Variants in AFAP1 observed in about 807,000 individuals in gnomAD.
AFAP1 encodes actin filament associated protein 1.
A neutral mutation model predicts 93.9 loss-of-function variants in AFAP1; 75 were observed. The observed-to-expected ratio is 0.80, with a 90% CI of 0.66 to 0.97. The LOEUF (loss-of-function observed/expected upper bound fraction) is 0.97. Ranked by LOEUF, AFAP1 falls within the 50% of genes least tolerant of loss-of-function variation. The probability of loss-of-function intolerance (pLI) is 0.00; values close to 1 mark genes in which losing one functional copy is unlikely to be tolerated. For missense variants in AFAP1, 1,201 were observed against 1,050.8 expected, an observed-to-expected ratio of 1.14 and a Z score of -1.98; for synonymous variants, 517 against 430.7, an observed-to-expected ratio of 1.20 and a Z score of -2.48.
intron 1 of AFAP1, among the ~76,000 whole-genome samples, chr4:7,894,983 G>A (rs928282545): frequency 6.6e-6 from 1 of 152,246 alleles, no homozygotes; most frequent in African/African-American, 2.4e-5. Context: ...TACAGACGGA[G>A]GGGCAGGTGG....
chr4:7,788,115 C>T (rs543207743), intron 11 of AFAP1, among the ~76,000 whole-genome samples: 1 of 152,352 alleles, frequency 6.6e-6, no homozygotes, highest in African/African-American at 2.4e-5. Flanking sequence ...GGGGTCCTCA[C>T]GCAGGGGCAG....
At chr4:7,928,139 A>G (rs1720871431) in intron 1 of AFAP1, among the ~76,000 whole-genome samples, 1 of 152,166 alleles carries the variant, frequency 6.6e-6, no homozygotes, top group Non-Finnish European at 1.5e-5. Context: ...ATAGCAATGC[A>G]TTCTTCAACC....
intron 3 of AFAP1, chr4:7,862,284 G>C (rs139929986): frequency 6.6e-6 from 1 of 152,142 alleles, no homozygotes; most frequent in African/African-American, 2.4e-5. Flanking sequence ...AGTGAGCTGT[G>C]ATCATGCCAC....
intron 1 of AFAP1, among the ~76,000 whole-genome samples, chr4:7,928,236 G>A (rs1720876673): frequency 6.6e-6 from 1 of 152,120 alleles, no homozygotes; most frequent in African/African-American, 2.4e-5. Flanking sequence ...AATGAGGCCT[G>A]GGAGAAAGCA....
At chr4:7,822,586 CTTTTTTTTT>C (rs5855982) in intron 6 of AFAP1, among the ~76,000 whole-genome samples, 1 of 132,572 alleles carries the variant, frequency 7.5e-6, no homozygotes, top group African/African-American at 2.9e-5. Flanking sequence ...TTTCTTTTTT[CTTTTTTTTT>C]TTTTTTTGAG....
chr4:7,934,357 C>A (rs1721262589), intron 1 of AFAP1, among the ~76,000 whole-genome samples: 1 of 152,344 alleles, frequency 6.6e-6, no homozygotes, highest in East Asian at 1.9e-4. Context: ...GGACCACGAA[C>A]TCCAGCTCTC....
At chr4:7,796,390 G>T (rs908325403) in intron 10 of AFAP1, among the ~76,000 whole-genome samples, 1 of 152,184 alleles carries the variant, frequency 6.6e-6, no homozygotes, top group Non-Finnish European at 1.5e-5. Flanking sequence ...GCCTCCTGCT[G>T]ACCAAATCTG....
intron 1 of AFAP1, among the ~76,000 whole-genome samples, chr4:7,926,528 A>T (rs114150389): frequency 6.6e-6 from 1 of 152,066 alleles, no homozygotes; most frequent in Non-Finnish European, 1.5e-5. Context: ...CCAGGGTAGA[A>T]AGTTCCCCAC....
chr4:7,803,642 C>T (rs993335240), intron 9 of AFAP1, among the ~76,000 whole-genome samples: 3 of 152,074 alleles, frequency 2.0e-5, no homozygotes, highest in African/African-American at 7.2e-5. Flanking sequence ...TCCCCAGCCA[C>T]AGGAGACCTG....
chr4:7,905,991 C>G (rs1719379585), intron 1 of AFAP1, among the ~76,000 whole-genome samples: 1 of 152,176 alleles, frequency 6.6e-6, no homozygotes, highest in Non-Finnish European at 1.5e-5. Context: ...GCCTGGGGGC[C>G]TGCTGAAATG....
intron 8 of AFAP1, among the ~76,000 whole-genome samples, chr4:7,812,424 T>G (rs1199075021): frequency 6.6e-6 from 1 of 152,066 alleles, no homozygotes; most frequent in African/African-American, 2.4e-5. Context: ...TGGAATTCCT[T>G]GAATACTCCC....
In AFAP1 at chr4:7,774,845, C is replaced by T. The variant is rs778753805; in HGVS notation, c.1956G>A (p.Gln652=). The T allele has an allele frequency of 1.9e-6, 3 of 1,614,220 alleles. No homozygotes were observed. Among genetic ancestry groups the T allele is most frequent in the Middle Eastern group, 1.6e-4 (1 of 6,062 alleles). The change falls in exon 15 of 18, where the codon CAG becomes CAA. Residue 652 remains glutamine (Q), a synonymous_variant. Coordinates refer to ENST00000420658, the MANE Select transcript of AFAP1 (RefSeq NM_001134647.2). ...NRVEADAKRL[Q]TKEEELLKRK... is the part of the protein sequence containing the mutation. ...TCTTCAGCAGCTCCTCCTCTTTGGT[C>T]TGTAGCCGCTTGGCATCTGCTTCTA...
chr4:7,886,967 C>A (rs544892046), intron 1 of AFAP1, among the ~76,000 whole-genome samples: 2 of 152,296 alleles, frequency 1.3e-5, no homozygotes, highest in African/African-American at 4.8e-5. Flanking sequence ...TGAGATGTTA[C>A]CCCTGACATC....
intron 3 of AFAP1, among the ~76,000 whole-genome samples, chr4:7,865,581 G>C (rs1226464220): frequency 6.6e-6 from 1 of 152,196 alleles, no homozygotes; most frequent in Non-Finnish European, 1.5e-5. Context: ...GAAAGCAAGA[G>C]ACAAGGAGAG....
chr4:7,818,034 T>C (rs1362069880), intron 7 of AFAP1, among the ~76,000 whole-genome samples: 2 of 152,158 alleles, frequency 1.3e-5, no homozygotes, highest in African/African-American at 4.8e-5. Context: ...ACTGTGATGT[T>C]TAATTTCACG....
At chr4:7,847,732 G>A (rs1048871584) in intron 4 of AFAP1, among the ~76,000 whole-genome samples, 1 of 148,538 alleles carries the variant, frequency 6.7e-6, no homozygotes, top group African/African-American at 2.5e-5. Flanking sequence ...TTCTAGTCTT[G>A]TAGTAAGTGG....
chr4:7,792,240 G>A (rs192169130), intron 11 of AFAP1, among the ~76,000 whole-genome samples: 2 of 152,226 alleles, frequency 1.3e-5, no homozygotes, highest in Admixed American at 6.5e-5. Context: ...CAGATCAATC[G>A]ACTCACATTA....
chr4:7,855,520 A>G lies in AFAP1; in HGVS notation c.280T>C (p.Tyr94His). 1 of 1,613,954 alleles carries G rather than the reference A, an allele frequency of 6.2e-7. No homozygotes were observed. The highest frequency in any genetic ancestry group is 8.5e-7 in the Non-Finnish European group (1 of 1,179,952). The change falls in exon 4 of 18, where the codon TAT becomes CAT. Residue 94 changes from tyrosine to histidine, a missense_variant. Tyr to His is a moderately conservative substitution (Grantham distance 83). Coordinates refer to ENST00000420658, the MANE Select transcript of AFAP1 (RefSeq NM_001134647.2). The part of the protein sequence containing the change: ...LPTSSLPEGY[Y>H]EEAVPLSPGK... The stretch of plus-strand genomic sequence containing the variant: ...GGGCTCAGCGGCACAGCTTCCTCAT[A>G]ATAACCTTCTGGGAGGGAGGATGTT...
intron 16 of AFAP1, among the ~76,000 whole-genome samples, chr4:7,771,019 G>C (rs1429322568): frequency 6.6e-6 from 1 of 152,178 alleles, no homozygotes; most frequent in African/African-American, 2.4e-5. Context: ...GTTGTCCAAG[G>C]CACCTCCTAG....
Sources: gnomAD v4.1 joint callset for allele counts (sites outside exome capture counted in the v4.1 genomes callset) on GRCh38, gnomAD v4.1.1 for gene constraint, MANE v1.5 for transcripts, NCBI Gene and HGNC (gene_info 2026-07-23, HGNC 2026-07-21) for gene names.